Variants in FAM149B1 observed in about 807,000 individuals in gnomAD.
The protein encoded by FAM149B1 is primary cilium assembly protein FAM149B1.
A neutral mutation model predicts 75.3 loss-of-function variants in FAM149B1; 56 were observed. The ratio of observed to expected loss-of-function variants is 0.74; its 90% CI spans 0.60 to 0.93. FAM149B1 has a LOEUF of 0.93. FAM149B1 is among the 40% of genes least tolerant of loss of function. The pLI, the probability that FAM149B1 is intolerant of heterozygous loss-of-function variation, is 0.00. For missense variants in FAM149B1, 639 were observed against 708.4 expected (o/e 0.90, Z 1.11); for synonymous variants, 259 against 256.1 (o/e 1.01, Z -0.11).
At position 73,242,375 on chromosome 10, in the gene FAM149B1, C is replaced by A. The variant is rs1392717754; in HGVS notation, c.*1356C>A. Reference sequence around the variant, plus strand: ...CTCACAAACCATTACCATGAGTTCACTATAACAACTGGATCAATATGGCTT... The same window carrying A: ...CTCACAAACCATTACCATGAGTTCAATATAACAACTGGATCAATATGGCTT... On this transcript the variant is annotated 3_prime_UTR_variant, in exon 14 of 14. Coordinates refer to ENST00000242505, the MANE Select transcript of FAM149B1 (RefSeq NM_173348.2). 1.3e-5 allele frequency: 2 copies of A among 152,104 alleles called. No homozygotes were observed. Among genetic ancestry groups the A allele is most frequent in the African/African-American group, 2.4e-5 (1 of 41,426 alleles). The allele number at this position is 152,104 out of a possible 1,614,324, so 9.4% of individuals were successfully genotyped here.
intron 12 of FAM149B1, among the ~76,000 whole-genome samples, chr10:73,237,129 A>C (rs965175976): frequency 1.3e-5 from 2 of 152,154 alleles, no homozygotes; most frequent in Non-Finnish European, 2.9e-5. Context: ...ACTTTACCTT[A>C]ACTTGATTTA....
Position 73,244,060 on chromosome 10 carries a change from CATAACT to C in FAM149B1, c.*3044_*3049del, listed in dbSNP as rs1433927793. 4.4e-6 allele frequency: 3 copies of C among 689,640 alleles called. No homozygotes were observed. In the African/African-American group the frequency reaches 5.5e-5, roughly 13 times the overall value. The allele number at this position is 689,640 out of a possible 1,614,324, so 42.7% of individuals were successfully genotyped here. A position where few individuals can be genotyped will look rare whatever the true frequency, so the allele number is the denominator to read the frequency against. On this transcript the variant is annotated 3_prime_UTR_variant, in exon 14 of 14. Coordinates refer to ENST00000242505, the MANE Select transcript of FAM149B1 (RefSeq NM_173348.2). ...TGAATAGACAAAATGAATCGAATTA[CATAACT>C]ATGTCATTCATTAAATGGCAACAAT...
intron 1 of FAM149B1, among the ~76,000 whole-genome samples, chr10:73,173,130 T>G (rs1330375122): frequency 2.0e-5 from 3 of 151,910 alleles, no homozygotes; most frequent in Non-Finnish European, 4.4e-5. Context: ...AAAAATAAAA[T>G]AAAAGTGAAA....
chr10:73,201,272 G>A (rs1034852591), intron 5 of FAM149B1: 2 of 226,330 alleles, frequency 8.8e-6, no homozygotes, highest in Non-Finnish European at 1.9e-5. Context: ...CCCTGTTGTT[G>A]AACAGACAAT....
chr10:73,186,108 C>T (rs962622646), intron 3 of FAM149B1, among the ~76,000 whole-genome samples: 1 of 151,974 alleles, frequency 6.6e-6, no homozygotes, highest in Non-Finnish European at 1.5e-5. Context: ...TAGGATTTAT[C>T]CCAGGATTGC....
Position 73,205,615 on chromosome 10 carries a change from G to A in FAM149B1, c.543-3004G>A, listed in dbSNP as rs183226265. Among the ~76,000 whole-genome samples, 34 of 152,218 alleles carry A rather than the reference G, an allele frequency of 2.2e-4. 1 individual carries two copies. The East Asian group carries it at 6.4e-3, about 29-fold the overall frequency. ...GTTGCCCAGGCTGGAGTGCAGTGGT[G>A]TGATCTAGACTCACCACAACCTCCG... On this transcript the variant is annotated intron_variant, in intron 5 of 13. Transcript: ENST00000242505.
At chr10:73,175,241 G>A (rs781012605) in intron 2 of FAM149B1, among the ~76,000 whole-genome samples, 3 of 152,126 alleles carry the variant, frequency 2.0e-5, no homozygotes, top group Non-Finnish European at 4.4e-5. Context: ...GTGGGGATGT[G>A]CACTTGTGGT....
chr10:73,212,863 G>C lies in FAM149B1; in HGVS notation c.898+2425G>C, dbSNP rs1473435190. Among the ~76,000 whole-genome samples, 4 of 133,632 alleles carry C rather than the reference G, an allele frequency of 3.0e-5. No homozygotes were observed. In the South Asian group the frequency reaches 8.8e-4, roughly 29 times the overall value. 87.7% of individuals were successfully genotyped at this position (133,632 alleles called of 152,430 possible). A position where few individuals can be genotyped will look rare whatever the true frequency, so the allele number is the denominator to read the frequency against. Reference sequence around the variant, plus strand: ...TCTCTCACTCTCTCTCTCTCTCTGTGTTTCTCTCTCTCTCTGTCACCCAGG... The same window carrying C: ...TCTCTCACTCTCTCTCTCTCTCTGTCTTTCTCTCTCTCTCTGTCACCCAGG... On this transcript the variant is annotated intron_variant, in intron 7 of 13. Transcript: ENST00000242505.
chr10:73,182,578 C>T (rs1458434097), intron 3 of FAM149B1, among the ~76,000 whole-genome samples: 1 of 152,226 alleles, frequency 6.6e-6, no homozygotes, highest in Non-Finnish European at 1.5e-5. Flanking sequence ...TCTCTCTCAT[C>T]TGAATGGTGG....
intron 12 of FAM149B1, chr10:73,235,562 C>A: frequency 1.3e-6 from 1 of 765,148 alleles, no homozygotes; most frequent in Non-Finnish European, 1.9e-6. Flanking sequence ...TAAGATATGT[C>A]TGACCACAAG....
At position 73,170,038 on chromosome 10, in the gene FAM149B1, CTATT is replaced by C. The variant is rs574823717; in HGVS notation, c.47+1655_47+1658del. Among the ~76,000 whole-genome samples the C allele has an allele frequency of 2.9e-3, 422 of 146,572 alleles. 1 individual carries two copies. The highest frequency in any genetic ancestry group is 4.0e-3 in the Non-Finnish European group (273 of 67,558). On this transcript the variant is annotated intron_variant, in intron 1 of 13. Transcript: ENST00000242505. ...ATTAACTATTAATATTAATTATTAA[CTATT>C]TAATTTATTAAATATTAATTATGCA...
At chr10:73,171,576 A>G (rs1269428989) in intron 1 of FAM149B1, among the ~76,000 whole-genome samples, 1 of 152,034 alleles carries the variant, frequency 6.6e-6, no homozygotes, top group African/African-American at 2.4e-5. Flanking sequence ...CCCACATTCA[A>G]CAGTTAACAA....
At chr10:73,231,685 T>C (rs951981278) in intron 9 of FAM149B1, among the ~76,000 whole-genome samples, 1 of 152,114 alleles carries the variant, frequency 6.6e-6, no homozygotes, top group Non-Finnish European at 1.5e-5. Context: ...ATCAAAGTTA[T>C]CTCGATTTCA....
At position 73,194,309 on chromosome 10, in the gene FAM149B1, A is replaced by G. The variant is rs2042747530; in HGVS notation, c.542+716A>G. Among the ~76,000 whole-genome samples the G allele has an allele frequency of 2.0e-5, 3 of 152,212 alleles. No individual in the cohort carries two copies. In the South Asian group the frequency reaches 6.2e-4, roughly 31 times the overall value. On this transcript the variant is annotated intron_variant, in intron 5 of 13. Transcript: ENST00000242505. ...TCCTTCTTGGCATAAATGTGTAAAT[A>G]GAATGGTTTTTTAAAATGTCGAAGT...
chr10:73,190,112 C>G (rs76856605), intron 3 of FAM149B1, among the ~76,000 whole-genome samples: 1 of 151,934 alleles, frequency 6.6e-6, no homozygotes, highest in African/African-American at 2.4e-5. Flanking sequence ...TCACCTAGAA[C>G]CAGGGAACTA....
chr10:73,234,025 T>C (rs2043767633), intron 10 of FAM149B1: 2 of 152,216 alleles, frequency 1.3e-5, no homozygotes, highest in Admixed American at 6.5e-5. Context: ...AGCCTCATCA[T>C]GCAAAAATAC....
rs1368647737 is a variant in FAM149B1, at chr10:73,208,707, A to G, written c.631A>G (p.Met211Val). The G allele has an allele frequency of 1.3e-6, 2 of 1,549,270 alleles. No homozygotes were observed. Among genetic ancestry groups the G allele is most frequent in the Admixed American group, 3.9e-5 (2 of 50,924 alleles). The change falls in exon 6 of 14, where the codon ATG (methionine) becomes GTG (valine). Residue 211 changes from methionine (M) to valine (V), a missense_variant. Coordinates refer to ENST00000242505, the MANE Select transcript of FAM149B1 (RefSeq NM_173348.2). The part of the protein sequence containing the change: ...SIAKSSSFCS[M>V]ERDEEDSIIV... ...TGCCAAATCCTCCAGCTTTTGTTCT[A>G]TGGAAAGAGATGAGGAAGACTCTAT...
chr10:73,197,343 A>AT (rs1448056944), intron 5 of FAM149B1, among the ~76,000 whole-genome samples: 1 of 152,168 alleles, frequency 6.6e-6, no homozygotes, highest in Non-Finnish European at 1.5e-5. Context: ...TCATATTTAC[A>AT]TTTTTTAAAA....
intron 5 of FAM149B1, among the ~76,000 whole-genome samples, chr10:73,198,896 G>A (rs991698539): frequency 6.6e-6 from 1 of 152,180 alleles, no homozygotes; most frequent in Non-Finnish European, 1.5e-5. Context: ...ACAAGTGCCT[G>A]AAAAGATGTT....
Sources: gnomAD v4.1 joint callset for allele counts (sites outside exome capture counted in the v4.1 genomes callset) on GRCh38, gnomAD v4.1.1 for gene constraint, MANE v1.5 for transcripts, NCBI Gene and HGNC (gene_info 2026-07-23, HGNC 2026-07-21) for gene names.